The following BCAS2 variants were observed in gnomAD, a reference collection of about 807,000 sequenced individuals.
BCAS2 encodes the protein pre-mRNA-splicing factor SPF27.
BCAS2 carries 34 observed loss-of-function variants against 35.3 expected under a neutral mutation model. The ratio of observed to expected loss-of-function variants is 0.96; its 90% confidence interval spans 0.73 to 1.28. The LOEUF is 1.28. Ranked by LOEUF, BCAS2 falls within the 50% of genes most tolerant of loss-of-function variation. The pLI is 0.00. For synonymous variants in BCAS2, 75 were observed against 91.6 expected (o/e 0.82, Z 1.03); for missense variants, 221 against 268.1 (o/e 0.82, Z 1.23).
At chr1:114,568,608 C>T (rs1654575025) in intron 6 of BCAS2, among the ~76,000 whole-genome samples, 1 of 151,780 alleles carries the variant, frequency 6.6e-6, no homozygotes. Context: ...CCCAGGTGAT[C>T]CACCCACCTC....
intron 2 of BCAS2, among the ~76,000 whole-genome samples, chr1:114,577,373 A>ATTTTTT (rs151333752): frequency 2.7e-5 from 4 of 150,790 alleles, no homozygotes; most frequent in South Asian, 2.1e-4. Flanking sequence ...TTATTTATTT[A>ATTTTTT]TTTATTTTTT....
Position 114,572,825 on chromosome 1 carries a change from A to G in BCAS2, c.420-2075T>C, listed in dbSNP as rs541134392. Among the ~76,000 whole-genome samples the G allele has an allele frequency of 2.6e-5, 4 of 152,216 alleles. No homozygotes were observed. The East Asian group carries it at 7.7e-4, about 29-fold the overall frequency. ...GAAAAGCCCTTGAATACCACGTTAA[A>G]AAGCCTGGCCCAGCCGGGTGCTCAC... On this transcript the variant is annotated intron_variant, in intron 4 of 6. Transcript: ENST00000369541.
chr1:114,576,303 C>T (rs1017926779), intron 3 of BCAS2, among the ~76,000 whole-genome samples: 2 of 150,192 alleles, frequency 1.3e-5, no homozygotes, highest in Non-Finnish European at 3.0e-5. Flanking sequence ...CTGTCCCCAA[C>T]GCTGGAGTGC....
intron 3 of BCAS2, among the ~76,000 whole-genome samples, chr1:114,576,108 T>C (rs1284730603): frequency 6.6e-6 from 1 of 151,642 alleles, no homozygotes; most frequent in Non-Finnish European, 1.5e-5. Flanking sequence ...TTTTGTAAAA[T>C]ACTCACACCC....
Position 114,568,256 on chromosome 1 carries a change from A to T in BCAS2, c.552T>A (p.Asn184Lys), listed in dbSNP as rs1241029946. 6 of 1,611,680 alleles carry T rather than the reference A, an allele frequency of 3.7e-6. No homozygotes were observed. The South Asian group carries it at 6.6e-5, about 18-fold the overall frequency. ...AGSKLREMES[N>K]WVSLVSKNYE... The stretch of plus-strand genomic sequence containing the variant: ...AATTCTTACTGACCAGGGATACCCA[A>T]CTAGAATGGGGGGGAAGAAAAGAAA... Residue 184 changes from asparagine to lysine, a missense_variant and splice_region_variant, in exon 7 of 7, where the codon AAT becomes AAA. Coordinates refer to ENST00000369541, the MANE Select transcript of BCAS2 (RefSeq NM_005872.3).
In BCAS2 at chr1:114,568,149, T is replaced by C. The variant is rs780845102; in HGVS notation, c.659A>G (p.Asn220Ser). ...KQQHGEANKE[N>S]IRQDF ...GTCTTTTCAGAAGTCTTGCCGGATG[T>C]TTTCTTTGTTTGCCTCTCCATGTTG... Residue 220 changes from asparagine to serine, a missense_variant, in exon 7 of 7, where the codon AAC becomes AGC. Asn to Ser is a conservative substitution (Grantham distance 46, BLOSUM62 1). Coordinates refer to ENST00000369541, the MANE Select transcript of BCAS2 (RefSeq NM_005872.3). The C allele has an allele frequency of 1.2e-6, 2 of 1,612,990 alleles. No homozygotes were observed. Among genetic ancestry groups the C allele is most frequent in the Non-Finnish European group, 1.7e-6 (2 of 1,179,976 alleles).
At position 114,576,722 on chromosome 1, in the gene BCAS2, C is replaced by T. The variant is rs768093804; in HGVS notation, c.223G>A (p.Ala75Thr). Residue 75 changes from alanine to threonine, a missense_variant, in exon 3 of 7, where the codon GCT (alanine) becomes ACT (threonine). Physicochemically the swap from Ala to Thr is moderately conservative, Grantham distance 58. Transcript: ENST00000369541. ...IMRNEFERLA[A>T]RQPIELLSMK... is the part of the protein sequence containing the mutation. ...CTGAGCAATTCAATTGGTTGTCGAG[C>T]AGCCAGTCTTTCAAATTCATTTCTC... 6.2e-7 allele frequency: 1 copy of T among 1,611,276 alleles called. No homozygotes were observed. The highest frequency in any genetic ancestry group is 2.2e-5 in the East Asian group (1 of 44,848).
intron 4 of BCAS2, among the ~76,000 whole-genome samples, chr1:114,575,363 ATTTTTT>A (rs34989850): frequency 7.5e-6 from 1 of 133,732 alleles, no homozygotes. Context: ...AATTTTTTGT[ATTTTTT>A]TTTTTTGTAG....
intron 4 of BCAS2, among the ~76,000 whole-genome samples, chr1:114,574,152 G>C (rs1015769080): frequency 6.6e-6 from 1 of 152,238 alleles, no homozygotes; most frequent in African/African-American, 2.4e-5. Flanking sequence ...CAGGATGTCA[G>C]TGGCTTGTTT....
chr1:114,568,245 A>C lies in BCAS2; in HGVS notation c.563T>G (p.Leu188Arg). The C allele has an allele frequency of 6.2e-7, 1 of 1,613,314 alleles. No homozygotes were observed. The highest frequency in any genetic ancestry group is 8.5e-7 in the Non-Finnish European group (1 of 1,179,760). ...LREMESNWVS[L>R]VSKNYEIERT... Reference sequence around the variant, plus strand: ...TTCAATCTCATAATTCTTACTGACCAGGGATACCCAACTAGAATGGGGGGG... The same window carrying C: ...TTCAATCTCATAATTCTTACTGACCCGGGATACCCAACTAGAATGGGGGGG... The change falls in exon 7 of 7, where the codon CTG becomes CGG. Residue 188 changes from leucine to arginine, a missense_variant. Transcript: ENST00000369541.
Position 114,568,660 on chromosome 1 carries a change from C to A in BCAS2, c.552-404G>T, listed in dbSNP as rs573281229. Among the ~76,000 whole-genome samples the A allele has an allele frequency of 2.6e-4, 40 of 151,530 alleles. 1 individual carries two copies. The highest frequency in any genetic ancestry group is 9.7e-4 in the African/African-American group (40 of 41,310). ...GGGATTACAGGCATGAGCTACCATG[C>A]CTGGCCTAACCTTCACTTTCAACTT... On this transcript the variant is annotated intron_variant, in intron 6 of 6. Coordinates refer to ENST00000369541, the MANE Select transcript of BCAS2 (RefSeq NM_005872.3).
intron 2 of BCAS2, among the ~76,000 whole-genome samples, chr1:114,579,365 A>G (rs1014743319): frequency 2.0e-5 from 3 of 152,228 alleles, no homozygotes; most frequent in African/African-American, 7.2e-5. Flanking sequence ...ACTAATTACA[A>G]AGGTATTTAA....
At chr1:114,580,621 C>T (rs1478536388) in intron 2 of BCAS2, among the ~76,000 whole-genome samples, 1 of 151,950 alleles carries the variant, frequency 6.6e-6, no homozygotes, top group Non-Finnish European at 1.5e-5. Context: ...GAAACCCTAT[C>T]TTTTTTGGAG....
intron 4 of BCAS2, among the ~76,000 whole-genome samples, chr1:114,573,139 A>C (rs1399039326): frequency 2.3e-5 from 3 of 132,838 alleles, no homozygotes; most frequent in African/African-American, 5.6e-5. Flanking sequence ...AAAAAAAAAA[A>C]AAAAAAAAAA....
At chr1:114,576,226 T>G (rs1169412296) in intron 3 of BCAS2, among the ~76,000 whole-genome samples, 1 of 133,906 alleles carries the variant, frequency 7.5e-6, no homozygotes, top group Non-Finnish European at 1.7e-5. Flanking sequence ...ACACTGCCTC[T>G]CTCTCTCTCT....
In BCAS2 at chr1:114,568,264, G is replaced by A. The variant is rs924939583; in HGVS notation, c.552-8C>T. The A allele has an allele frequency of 2.5e-6, 4 of 1,605,186 alleles. No homozygotes were observed. The African/African-American group carries it at 4.0e-5, about 16-fold the overall frequency. Reference sequence around the variant, plus strand: ...CTGACCAGGGATACCCAACTAGAATGGGGGGGAAGAAAAGAAAAAAATTAC... The same window carrying A: ...CTGACCAGGGATACCCAACTAGAATAGGGGGGAAGAAAAGAAAAAAATTAC... On this transcript the variant is annotated splice_region_variant and splice_polypyrimidine_tract_variant and intron_variant, in intron 6 of 6. Transcript: ENST00000369541.
chr1:114,573,768 T>C (rs879281417), intron 4 of BCAS2, among the ~76,000 whole-genome samples: 5 of 152,240 alleles, frequency 3.3e-5, no homozygotes, highest in Non-Finnish European at 7.3e-5. Flanking sequence ...TTGCAATATA[T>C]AGATATATAA....
intron 2 of BCAS2, among the ~76,000 whole-genome samples, chr1:114,579,845 G>A (rs908423810): frequency 6.6e-6 from 1 of 152,156 alleles, no homozygotes; most frequent in Non-Finnish European, 1.5e-5. Context: ...CAGCCTGGGT[G>A]ACGTAATGAG....
rs533296335 is a variant in BCAS2 at position 114,576,374 on chromosome 1, T to C, written c.257+314A>G. Reference sequence around the variant, plus strand: ...CCTGGGGGGTGTCAAGCGATCCACCTACCTCAGCTTTCCAAGTAGCTGGGT... The same window carrying C: ...CCTGGGGGGTGTCAAGCGATCCACCCACCTCAGCTTTCCAAGTAGCTGGGT... On this transcript the variant is annotated intron_variant, in intron 3 of 6. Coordinates refer to ENST00000369541, the MANE Select transcript of BCAS2 (RefSeq NM_005872.3). Among the ~76,000 whole-genome samples, 2 of 151,642 alleles carry C rather than the reference T, an allele frequency of 1.3e-5. 1 individual carries two copies. Among genetic ancestry groups the C allele is most frequent in the South Asian group, 4.2e-4 (2 of 4,816 alleles).
Sources: allele counts gnomAD v4.1 joint callset (sites outside exome capture counted in the v4.1 genomes callset), GRCh38; gene constraint gnomAD v4.1.1; transcripts MANE v1.5; gene names NCBI Gene and HGNC (gene_info 2026-07-23, HGNC 2026-07-21).